The following BRINP1 variants were observed in gnomAD, a reference collection of about 807,000 sequenced individuals.
BRINP1 encodes the protein BMP/retinoic acid-inducible neural-specific protein 1.
BRINP1 carries 17 observed loss-of-function variants against 72.9 expected under a neutral mutation model. That is an observed-to-expected ratio of 0.23 (90% CI 0.16 to 0.35). The LOEUF (loss-of-function observed/expected upper bound fraction) is 0.35. BRINP1 is among the 10% of genes least tolerant of loss of function. The pLI, the probability that BRINP1 is intolerant of heterozygous loss-of-function variation, is 1.00. For synonymous variants in BRINP1, 418 were observed against 378.5 expected (o/e 1.10, Z -1.21); for missense variants, 850 against 1,001.6 (o/e 0.85, Z 2.04).
chr9:119,250,561 T>G (rs1830376790), intron 2 of BRINP1, among the ~76,000 whole-genome samples: 1 of 152,236 alleles, frequency 6.6e-6, no homozygotes, highest in Non-Finnish European at 1.5e-5. Flanking sequence ...CTTTGGAAAC[T>G]GCAAGGTGCT....
At chr9:119,275,203 T>C (rs2118955780) in intron 2 of BRINP1, among the ~76,000 whole-genome samples, 1 of 152,290 alleles carries the variant, frequency 6.6e-6, no homozygotes, top group East Asian at 1.9e-4. Flanking sequence ...TGTTTTAATA[T>C]ATATGTAGGA....
intron 2 of BRINP1, among the ~76,000 whole-genome samples, chr9:119,262,001 G>A (rs370791351): frequency 4.6e-5 from 7 of 152,084 alleles, no homozygotes; most frequent in South Asian, 2.1e-4. Context: ...TTGATTTTCC[G>A]GGTACATATG....
intron 2 of BRINP1, among the ~76,000 whole-genome samples, chr9:119,254,172 G>T (rs939601891): frequency 6.6e-6 from 1 of 152,198 alleles, no homozygotes; most frequent in African/African-American, 2.4e-5. Context: ...CAAAATTAAT[G>T]AAAGTCTTGC....
chr9:119,327,600 T>C (rs1281168676), intron 1 of BRINP1, among the ~76,000 whole-genome samples: 1 of 152,162 alleles, frequency 6.6e-6, no homozygotes, highest in African/African-American at 2.4e-5. Flanking sequence ...GAGGAAGCAA[T>C]TGAGGACACT....
chr9:119,368,546 T>C lies in BRINP1; in HGVS notation c.-51+510A>G, dbSNP rs959902436. ...AGTCCACAGCGGGTTTCCCGGTGAC[T>C]ACGTGATCCTATAGTAAGGGTCCCA... On this transcript the variant is annotated intron_variant, in intron 1 of 7. Transcript: ENST00000265922. The surrounding 1 kb of genome is among the most constrained non-coding windows in gnomAD (Gnocchi z 4.7). 6.6e-6 allele frequency among the ~76,000 whole-genome samples: 1 copy of C among 152,060 alleles called. No individual in the cohort carries two copies. The highest frequency in any genetic ancestry group is 1.5e-5 in the Non-Finnish European group (1 of 68,020).
At chr9:119,173,566 C>T (rs542726839) in intron 7 of BRINP1, among the ~76,000 whole-genome samples, 16 of 152,190 alleles carry the variant, frequency 1.1e-4, no homozygotes, top group Middle Eastern at 3.4e-3. Flanking sequence ...GCCATACTGC[C>T]CAAGGTAATT....
intron 7 of BRINP1, among the ~76,000 whole-genome samples, chr9:119,181,353 G>C (rs954352237): frequency 6.6e-6 from 1 of 152,182 alleles, no homozygotes; most frequent in African/African-American, 2.4e-5. Context: ...GGTGATCACA[G>C]GTGAGAGAGT....
At position 119,168,210 on chromosome 9, in the gene BRINP1, C is replaced by G. The variant is rs1262277379; in HGVS notation, c.1160G>C (p.Trp387Ser). ...QLPRERTIQQ[W>S]LARVQSLLYC... ...GAGGAGTGACTGGACCCTTGCAAGC[C>G]ACTGCTGAATTGTCCTGGGAGATAA... Residue 387 changes from tryptophan (W) to serine (S), a missense_variant, in exon 8 of 8, where the codon TGG becomes TCG. Physicochemically the swap from Trp to Ser is radical, Grantham distance 177 (BLOSUM62 -3). Coordinates refer to ENST00000265922, the MANE Select transcript of BRINP1 (RefSeq NM_014618.3). 2 of 1,517,278 alleles carry G rather than the reference C, an allele frequency of 1.3e-6. No homozygotes were observed. Among genetic ancestry groups the G allele is most frequent in the Non-Finnish European group, 1.8e-6 (2 of 1,133,850 alleles). The allele number at this position is 1,517,278 out of a possible 1,614,324, so 94.0% of individuals were successfully genotyped here. A position where few individuals can be genotyped will look rare whatever the true frequency, so the allele number is the denominator to read the frequency against.
intron 1 of BRINP1, among the ~76,000 whole-genome samples, chr9:119,318,621 G>C (rs913740246): frequency 2.0e-5 from 3 of 152,090 alleles, no homozygotes; most frequent in African/African-American, 7.2e-5. Flanking sequence ...TGGCAAGCAG[G>C]GGATGAAGGC....
In BRINP1 at chr9:119,368,782, C is replaced by T. The variant is rs574251438; in HGVS notation, c.-51+274G>A. Among the ~76,000 whole-genome samples, 34 of 152,284 alleles carry T rather than the reference C, an allele frequency of 2.2e-4. No homozygotes were observed. The highest frequency in any genetic ancestry group is 4.1e-4 in the Non-Finnish European group (28 of 68,022). ...GCCGCACACGCAAACACACTAGCAC[C>T]ACATCAAGTTCCCACCATGGTGCAC... On this transcript the variant is annotated intron_variant, in intron 1 of 7. Transcript: ENST00000265922. The surrounding 1 kb of genome is among the most constrained non-coding windows in gnomAD (Gnocchi z 4.7).
At chr9:119,334,848 A>G (rs1442042920) in intron 1 of BRINP1, among the ~76,000 whole-genome samples, 1 of 152,106 alleles carries the variant, frequency 6.6e-6, no homozygotes, top group African/African-American at 2.4e-5. Flanking sequence ...ATGAGGGGAC[A>G]TTGTGCCAGA....
chr9:119,220,637 G>A (rs1004654870), intron 5 of BRINP1, among the ~76,000 whole-genome samples: 2 of 152,088 alleles, frequency 1.3e-5, no homozygotes, highest in African/African-American at 2.4e-5. Context: ...ATTCAAGAAC[G>A]GGAAAGAAAG....
chr9:119,249,535 T>C (rs977587650), intron 2 of BRINP1, among the ~76,000 whole-genome samples: 4 of 152,100 alleles, frequency 2.6e-5, no homozygotes, highest in Admixed American at 1.3e-4. Context: ...ATTTTCATGG[T>C]ATTTTATAGT....
chr9:119,248,882 G>C, intron 3 of BRINP1, 78 bp downstream of exon 3: 2 of 1,302,436 alleles, frequency 1.5e-6, no homozygotes, highest in Non-Finnish European at 2.2e-6. Context: ...AGGCTTTGCT[G>C]TTAAGACATC....
At chr9:119,331,232 C>A (rs1010383478) in intron 1 of BRINP1, among the ~76,000 whole-genome samples, 1 of 152,070 alleles carries the variant, frequency 6.6e-6, no homozygotes, top group Non-Finnish European at 1.5e-5. Context: ...GGAAGAGAAG[C>A]TGGAGGGTTG....
At chr9:119,359,180 A>G (rs1007098048) in intron 1 of BRINP1, among the ~76,000 whole-genome samples, 4 of 152,134 alleles carry the variant, frequency 2.6e-5, no homozygotes, top group African/African-American at 9.7e-5. Flanking sequence ...ACATGCCTCT[A>G]TGAAGTTACT....
At chr9:119,252,487 G>A (rs1247460357) in intron 2 of BRINP1, among the ~76,000 whole-genome samples, 1 of 150,986 alleles carries the variant, frequency 6.6e-6, no homozygotes, top group Non-Finnish European at 1.5e-5. Flanking sequence ...TAATTATGAG[G>A]TTATATATAT....
At chr9:119,236,255 C>T (rs1588172986) in intron 5 of BRINP1, among the ~76,000 whole-genome samples, 2 of 152,178 alleles carry the variant, frequency 1.3e-5, no homozygotes, top group South Asian at 4.1e-4. Flanking sequence ...TGTACTCTAA[C>T]CCATCTAGGG....
intron 7 of BRINP1, among the ~76,000 whole-genome samples, chr9:119,177,522 C>T (rs991732479): frequency 6.6e-6 from 1 of 152,112 alleles, no homozygotes; most frequent in Non-Finnish European, 1.5e-5. Flanking sequence ...CCTGTCACTC[C>T]CTCTCCAAGT....
Sources: allele counts gnomAD v4.1 joint callset (sites outside exome capture counted in the v4.1 genomes callset), GRCh38; gene constraint gnomAD v4.1.1; non-coding constraint Gnocchi (gnomAD v3.1); transcripts MANE v1.5; gene names NCBI Gene and HGNC (gene_info 2026-07-23, HGNC 2026-07-21).